The following ZBED4 variants were observed in gnomAD, a reference collection of about 807,000 sequenced individuals.
ZBED4 encodes the protein zinc finger BED domain-containing protein 4.
ZBED4 carries 4 observed loss-of-function variants against 15.5 expected under a neutral mutation model. That is an observed-to-expected ratio of 0.26 (90% CI 0.13 to 0.59). The LOEUF (loss-of-function observed/expected upper bound fraction) is 0.59, where lower values mean the gene tolerates loss of function less well. ZBED4 is among the 20% of genes least tolerant of loss of function. ZBED4 has a pLI of 0.90. For synonymous variants in ZBED4, 692 were observed against 608.5 expected (o/e 1.14, Z -2.02); for missense variants, 1,323 against 1,461.8 (o/e 0.91, Z 1.55).
chr22:49,876,569 G>A (rs1037839695), intron 1 of ZBED4, among the ~76,000 whole-genome samples: 4 of 152,022 alleles, frequency 2.6e-5, no homozygotes, highest in Non-Finnish European at 5.9e-5. Flanking sequence ...CGGTATTAAT[G>A]TCGCCACTCC....
chr22:49,861,264 C>T (rs563043542), intron 1 of ZBED4, among the ~76,000 whole-genome samples: 12 of 151,866 alleles, frequency 7.9e-5, no homozygotes, highest in African/African-American at 2.7e-4. Context: ...GCCTCAGCCT[C>T]CTGAGTAGCT....
chr22:49,869,964 C>T (rs1447671432), intron 1 of ZBED4, among the ~76,000 whole-genome samples: 1 of 152,158 alleles, frequency 6.6e-6, no homozygotes, highest in African/African-American at 2.4e-5. Flanking sequence ...TCCCCTCCTC[C>T]CTTCCTCCCT....
chr22:49,865,899 T>A (rs1202268869), intron 1 of ZBED4, among the ~76,000 whole-genome samples: 1 of 150,498 alleles, frequency 6.6e-6, no homozygotes, highest in Non-Finnish European at 1.5e-5. Context: ...TTTGTAGAGC[T>A]GGGGGTCTCA....
rs71196384 is a variant in ZBED4, at chr22:49,864,820, C to CAAAAAA, written c.-330+10845_-330+10850dup. ...GAGCGCCAGAGTGAGACCCTGTCTCCAAAAAAAAAAAAAAAAAAAGCCCTG... is the reference window on the plus strand; with the variant it reads ...GAGCGCCAGAGTGAGACCCTGTCTCCAAAAAAAAAAAAAAAAAAAAAAAAAGCCCTG... On this transcript the variant is annotated intron_variant, in intron 1 of 1. Transcript: ENST00000216268. Among the ~76,000 whole-genome samples the CAAAAAA allele has an allele frequency of 1.0e-3, 67 of 66,902 alleles. 1 individual carries two copies. Among genetic ancestry groups the CAAAAAA allele is most frequent in the African/African-American group, 2.9e-3 (29 of 10,032 alleles). 43.9% of individuals were successfully genotyped at this position (66,902 alleles called of 152,430 possible).
intron 1 of ZBED4, among the ~76,000 whole-genome samples, chr22:49,874,380 T>G (rs1228633034): frequency 6.6e-6 from 1 of 151,364 alleles, no homozygotes. Flanking sequence ...TGCTAATGTA[T>G]TGTTTTAATT....
chr22:49,882,747 G>C (rs189935692), intron 1 of ZBED4, among the ~76,000 whole-genome samples: 7 of 151,188 alleles, frequency 4.6e-5, no homozygotes, highest in Non-Finnish European at 1.0e-4. Flanking sequence ...CCAGCACGGC[G>C]CAGCATCACT....
At position 49,871,763 on chromosome 22, in the gene ZBED4, T is replaced by A. The variant is rs867042210; in HGVS notation, c.-329-11571T>A. Among the ~76,000 whole-genome samples, 1,006 of 141,378 alleles carry A rather than the reference T, an allele frequency of 7.1e-3. 14 individuals are homozygous for A. The highest frequency in any genetic ancestry group is 0.027 in the African/African-American group (940 of 34,886). 92.7% of individuals were successfully genotyped at this position (141,378 alleles called of 152,430 possible). A position where few individuals can be genotyped will look rare whatever the true frequency, so the allele number is the denominator to read the frequency against. On this transcript the variant is annotated intron_variant, in intron 1 of 1. Transcript: ENST00000216268. Reference sequence around the variant, plus strand: ...ACAATTTATTTATTTATTTATTTTTTTTTTTTTTTGAGACAGAGTCTTACT... The same window carrying A: ...ACAATTTATTTATTTATTTATTTTTATTTTTTTTTGAGACAGAGTCTTACT...
chr22:49,883,633 A>G lies in ZBED4; in HGVS notation c.-30A>G. On this transcript the variant is annotated 5_prime_UTR_variant, in exon 2 of 2. Transcript: ENST00000216268. The stretch of plus-strand genomic sequence containing the variant: ...ACTTGGATCAGTGTTTTATGAACCT[A>G]AGATACAGCCGGAGTAGTTATGGTC... 1.3e-6 allele frequency: 2 copies of G among 1,508,790 alleles called. No homozygotes were observed. Among genetic ancestry groups the G allele is most frequent in the Non-Finnish European group, 1.8e-6 (2 of 1,122,092 alleles). The allele number at this position is 1,508,790 out of a possible 1,614,324, so 93.5% of individuals were successfully genotyped here.
intron 1 of ZBED4, among the ~76,000 whole-genome samples, chr22:49,870,031 G>A (rs1219516165): frequency 6.6e-6 from 1 of 152,076 alleles, no homozygotes; most frequent in Non-Finnish European, 1.5e-5. Flanking sequence ...TTATGTCCCT[G>A]TGTACCACAT....
chr22:49,887,268 T>G lies in ZBED4; in HGVS notation c.*90T>G. 7.2e-7 allele frequency: 1 copy of G among 1,394,056 alleles called. No individual in the cohort carries two copies. The highest frequency in any genetic ancestry group is 2.3e-5 in the East Asian group (1 of 42,794). The allele number at this position is 1,394,056 out of a possible 1,614,324, so 86.4% of individuals were successfully genotyped here. ...CTATGACCCGCTCTGCCCACGGCTGTGTACGACATCAGACCAGGCACTCTC... is the reference window on the plus strand; with the variant it reads ...CTATGACCCGCTCTGCCCACGGCTGGGTACGACATCAGACCAGGCACTCTC... On this transcript the variant is annotated 3_prime_UTR_variant, in exon 2 of 2. Coordinates refer to ENST00000216268, the MANE Select transcript of ZBED4 (RefSeq NM_014838.3).
At chr22:49,861,054 G>T (rs2060295153) in intron 1 of ZBED4, among the ~76,000 whole-genome samples, 1 of 151,684 alleles carries the variant, frequency 6.6e-6, no homozygotes, top group Non-Finnish European at 1.5e-5. Context: ...GGGATAATGG[G>T]CATGAGCCAC....
chr22:49,877,197 T>C (rs1324982762), intron 1 of ZBED4, among the ~76,000 whole-genome samples: 2 of 150,396 alleles, frequency 1.3e-5, no homozygotes, highest in African/African-American at 4.9e-5. Context: ...AGGCAGCATA[T>C]AGGAAGTCTT....
intron 1 of ZBED4, among the ~76,000 whole-genome samples, chr22:49,862,803 G>A (rs1258372478): frequency 7.0e-6 from 1 of 142,554 alleles, no homozygotes; most frequent in Non-Finnish European, 1.5e-5. Flanking sequence ...TTGGGTTCAA[G>A]CAATTCTCCT....
rs1200461454 is a variant in ZBED4, at chr22:49,889,909, C to G, written c.*2731C>G. ...TGGAAATGATGTTTTAGGCAGGTTC[C>G]TTAATTTCTCAGGTCTGTCTCAGAT... is the stretch of plus-strand genomic sequence containing the variant. On this transcript the variant is annotated 3_prime_UTR_variant, in exon 2 of 2. Coordinates refer to ENST00000216268, the MANE Select transcript of ZBED4 (RefSeq NM_014838.3). 1 of 167,048 alleles carries G rather than the reference C, an allele frequency of 6.0e-6. No individual in the cohort carries two copies. The highest frequency in any genetic ancestry group is 1.5e-5 in the Non-Finnish European group (1 of 68,120). The allele number at this position is 167,048 out of a possible 1,614,324, so 10.3% of individuals were successfully genotyped here. A position where few individuals can be genotyped will look rare whatever the true frequency, so the allele number is the denominator to read the frequency against.
Position 49,884,799 on chromosome 22 carries a change from G to A in ZBED4, c.1137G>A (p.Pro379=), listed in dbSNP as rs376883523. ...LSSVSSSPVK[P]VRESPSASSS... ...CTGTGTCCTCGTCTCCAGTAAAGCC[G>A]GTCAGAGAGTCCCCTTCGGCCTCCT... Residue 379 remains proline, a synonymous_variant, in exon 2 of 2, where the codon CCG becomes CCA. Transcript: ENST00000216268. 162 of 1,609,534 alleles carry A rather than the reference G, an allele frequency of 1.0e-4. No homozygotes were observed. Among genetic ancestry groups the A allele is most frequent in the South Asian group, 7.5e-4 (68 of 90,820 alleles).
chr22:49,856,846 C>T (rs1017235536), intron 1 of ZBED4, among the ~76,000 whole-genome samples: 3 of 150,988 alleles, frequency 2.0e-5, no homozygotes, highest in Non-Finnish European at 4.4e-5. Context: ...TCCCACCCCT[C>T]GTTCTAGGTG....
rs1448973106 is a variant in ZBED4, at chr22:49,888,834, G to A, written c.*1656G>A. 1 of 167,250 alleles carries A rather than the reference G, an allele frequency of 6.0e-6. No homozygotes were observed. Among genetic ancestry groups the A allele is most frequent in the Non-Finnish European group, 1.5e-5 (1 of 68,180 alleles). The allele number at this position is 167,250 out of a possible 1,614,324, so 10.4% of individuals were successfully genotyped here. ...TGCCCGTGAGGCTGCAGAGGAGGTG[G>A]GGTCCATGGCCCACCCATCTCTCCC... is the stretch of plus-strand genomic sequence containing the variant. On this transcript the variant is annotated 3_prime_UTR_variant, in exon 2 of 2. Transcript: ENST00000216268.
chr22:49,872,078 A>G (rs572501556), intron 1 of ZBED4, among the ~76,000 whole-genome samples: 4 of 152,304 alleles, frequency 2.6e-5, no homozygotes, highest in Non-Finnish European at 4.4e-5. Flanking sequence ...GAAGTTTGCT[A>G]CATCGATTAA....
rs185251392 is a variant in ZBED4 at position 49,882,743 on chromosome 22, C to T, written c.-329-591C>T. Among the ~76,000 whole-genome samples, 14 of 152,250 alleles carry T rather than the reference C, an allele frequency of 9.2e-5. No individual in the cohort carries two copies. The East Asian group carries it at 1.3e-3, about 15-fold the overall frequency. On this transcript the variant is annotated intron_variant, in intron 1 of 1. Transcript: ENST00000216268. ...GTCTCCTCTTGGCTGCATTCCAGCACGGCGCAGCATCACTTGGGGACGGGG... is the reference window on the plus strand; with the variant it reads ...GTCTCCTCTTGGCTGCATTCCAGCATGGCGCAGCATCACTTGGGGACGGGG...
Sources: allele counts gnomAD v4.1 joint callset (sites outside exome capture counted in the v4.1 genomes callset), GRCh38; gene constraint gnomAD v4.1.1; transcripts MANE v1.5; gene names NCBI Gene and HGNC (gene_info 2026-07-23, HGNC 2026-07-21).